The following ITCH variants were observed in gnomAD, a reference collection of about 807,000 sequenced individuals.
ITCH encodes the protein itchy E3 ubiquitin protein ligase.
Under a neutral mutation model 126.8 loss-of-function variants are expected in ITCH, and 28 were observed. The ratio of observed to expected loss-of-function variants is 0.22; its 90% CI spans 0.16 to 0.30. The LOEUF is 0.30. ITCH is among the 10% of genes least tolerant of loss of function. ITCH has a pLI of 1.00. For synonymous variants in ITCH, 342 were observed against 340.0 expected (o/e 1.01, Z -0.06); for missense variants, 631 against 1,032.4 (o/e 0.61, Z 5.33).
chr20:34,436,574 G>T (rs1983031703), intron 7 of ITCH, among the ~76,000 whole-genome samples: 1 of 152,226 alleles, frequency 6.6e-6, no homozygotes, highest in Admixed American at 6.5e-5. Flanking sequence ...GGTGCTGACT[G>T]CCAATTACTG....
In ITCH at chr20:34,462,751, G is replaced by C. The variant is rs143574948; in HGVS notation, c.1424+530G>C. Among the ~76,000 whole-genome samples, 690 of 152,258 alleles carry C rather than the reference G, an allele frequency of 4.5e-3. 5 individuals carry two copies. The highest frequency in any genetic ancestry group is 0.016 in the African/African-American group (654 of 41,536). On this transcript the variant is annotated intron_variant, in intron 14 of 24. Transcript: ENST00000374864. ...TTTCATCATTCCACACTGAAACACT[G>C]TACCCTTTAAACAATAACTTTAGCA...
At chr20:34,386,095 G>GTTTTTTTTTTTT (rs58468663) in intron 2 of ITCH, among the ~76,000 whole-genome samples, 3 of 144,716 alleles carry the variant, frequency 2.1e-5, no homozygotes, top group African/African-American at 7.6e-5. Context: ...CGGCTCCTTT[G>GTTTTTTTTTTTT]TTTTTTTTTT....
At chr20:34,485,111 GT>G (rs1989015821) in intron 20 of ITCH, among the ~76,000 whole-genome samples, 1 of 152,008 alleles carries the variant, frequency 6.6e-6, no homozygotes, top group African/African-American at 2.4e-5. Flanking sequence ...CAGCCATATT[GT>G]TTATATCAGT....
At chr20:34,442,647 C>T (rs868305851) in intron 10 of ITCH, among the ~76,000 whole-genome samples, 1 of 151,666 alleles carries the variant, frequency 6.6e-6, no homozygotes, top group African/African-American at 2.4e-5. Flanking sequence ...GCTATCATGC[C>T]TGGCCCTATT....
At chr20:34,465,796 G>A (rs1986997359) in intron 14 of ITCH, among the ~76,000 whole-genome samples, 1 of 152,054 alleles carries the variant, frequency 6.6e-6, no homozygotes, top group Non-Finnish European at 1.5e-5. Flanking sequence ...CTCTGGCAGG[G>A]TTTTTCGTTG....
intron 12 of ITCH, among the ~76,000 whole-genome samples, chr20:34,449,728 A>G (rs1984960416): frequency 6.6e-6 from 1 of 152,152 alleles, no homozygotes; most frequent in Non-Finnish European, 1.5e-5. Context: ...CAGTTTAAAG[A>G]TACTGATCAC....
At chr20:34,462,246 T>G (rs1986604129) in intron 14 of ITCH, 25 bp downstream of exon 14, 1 of 1,609,324 alleles carries the variant, frequency 6.2e-7, no homozygotes, top group African/African-American at 1.3e-5. Context: ...CATTGTAGAT[T>G]AAGAGTAAAA....
intron 2 of ITCH, among the ~76,000 whole-genome samples, chr20:34,384,990 A>G (rs937884244): frequency 6.6e-6 from 1 of 151,444 alleles, no homozygotes; most frequent in Non-Finnish European, 1.5e-5. Context: ...GAGAATGTAT[A>G]GATATTTAGA....
chr20:34,394,459 T>A (rs1481452679), intron 3 of ITCH, among the ~76,000 whole-genome samples: 2 of 152,132 alleles, frequency 1.3e-5, no homozygotes, highest in Non-Finnish European at 2.9e-5. Context: ...CCCCTACAGG[T>A]TACCCATTTA....
At chr20:34,365,604 A>G (rs1301344228) in intron 1 of ITCH, among the ~76,000 whole-genome samples, 3 of 152,184 alleles carry the variant, frequency 2.0e-5, no homozygotes, top group South Asian at 2.1e-4. Context: ...TTTAGTAGAG[A>G]TGGGTTTTCA....
chr20:34,403,181 T>C (rs1299046157), intron 3 of ITCH, among the ~76,000 whole-genome samples: 2 of 152,192 alleles, frequency 1.3e-5, no homozygotes, highest in African/African-American at 4.8e-5. Context: ...GTTTTGGCAC[T>C]GTTTTTTGTT....
Position 34,440,236 on chromosome 20 carries a change from C to A in ITCH, c.761C>A (p.Thr254Lys). The change falls in exon 9 of 25, where the codon ACA becomes AAA. Residue 254 changes from threonine (T) to lysine (K), a missense_variant. Physicochemically the swap from Thr to Lys is moderately conservative, Grantham distance 78. Transcript: ENST00000374864. Reference protein sequence around the residue: ...TGSLPPTNTNTNTSEGATSGL... With the variant: ...TGSLPPTNTNKNTSEGATSGL... ...TCTCTGCCGCCGACAAATACAAATA[C>A]AAATACATCTGAAGGAGCAACATCT... The A allele has an allele frequency of 1.2e-6, 2 of 1,613,504 alleles. No homozygotes were observed. Among genetic ancestry groups the A allele is most frequent in the Non-Finnish European group, 8.5e-7 (1 of 1,179,422 alleles).
intron 7 of ITCH, among the ~76,000 whole-genome samples, chr20:34,431,890 A>G (rs923631553): frequency 2.0e-5 from 3 of 152,044 alleles, no homozygotes. Context: ...AAATACAGAA[A>G]AAAGTTAGCT....
chr20:34,394,118 G>A lies in ITCH; in HGVS notation c.70+237G>A, dbSNP rs563105858. ...TCCCAGCTACTCCGGAGGCTGAGGC[G>A]TGAGAATCACTTGACTTTGGGAGGT... On this transcript the variant is annotated intron_variant, in intron 3 of 24. Transcript: ENST00000374864. Among the ~76,000 whole-genome samples the A allele has an allele frequency of 4.7e-5, 7 of 149,760 alleles. No individual in the cohort carries two copies. The South Asian group carries it at 8.6e-4, about 18-fold the overall frequency.
At chr20:34,437,411 T>C (rs1028421453) in intron 7 of ITCH, among the ~76,000 whole-genome samples, 9 of 152,106 alleles carry the variant, frequency 5.9e-5, no homozygotes, top group African/African-American at 2.2e-4. Context: ...ACTCAAACAA[T>C]CCTCCCACCT....
intron 12 of ITCH, among the ~76,000 whole-genome samples, chr20:34,452,367 G>A (rs1033694387): frequency 1.3e-5 from 2 of 152,134 alleles, no homozygotes; most frequent in Non-Finnish European, 2.9e-5. Flanking sequence ...CAGGTTATTA[G>A]AGTCTTGTTC....
intron 23 of ITCH, among the ~76,000 whole-genome samples, chr20:34,495,472 C>A (rs1569003879): frequency 6.6e-6 from 1 of 151,846 alleles, no homozygotes; most frequent in Non-Finnish European, 1.5e-5. Flanking sequence ...TCTGTAGTAA[C>A]CACTGTTGCA....
chr20:34,507,153 C>T (rs181757274), intron 24 of ITCH, among the ~76,000 whole-genome samples: 20 of 151,662 alleles, frequency 1.3e-4, no homozygotes, highest in Admixed American at 1.2e-3. Context: ...GGGGGAATCT[C>T]GCCATACTGT....
intron 2 of ITCH, among the ~76,000 whole-genome samples, chr20:34,380,400 A>T (rs2038011839): frequency 6.6e-6 from 1 of 151,994 alleles, no homozygotes; most frequent in Non-Finnish European, 1.5e-5. Context: ...TAAATCATGA[A>T]ATTAACATTG....
Sources: gnomAD v4.1 joint callset for allele counts (sites outside exome capture counted in the v4.1 genomes callset) on GRCh38, gnomAD v4.1.1 for gene constraint, MANE v1.5 for transcripts, NCBI Gene and HGNC (gene_info 2026-07-23, HGNC 2026-07-21) for gene names.